Variants in GPR84 observed in about 807,000 individuals in gnomAD.
The protein encoded by GPR84 is G-protein coupled receptor 84.
Under a neutral mutation model 14.9 loss-of-function variants are expected in GPR84, and 8 were observed. The ratio of observed to expected loss-of-function variants is 0.54; its 90% CI spans 0.31 to 0.97. The LOEUF (loss-of-function observed/expected upper bound fraction) is 0.97, where lower values mean the gene tolerates loss of function less well. Ranked by LOEUF, GPR84 falls within the 50% of genes least tolerant of loss-of-function variation. The pLI is 0.04. For synonymous variants in GPR84, 164 were observed against 198.1 expected, an observed-to-expected ratio of 0.83 and a Z score of 1.45; for missense variants, 424 against 498.7, an observed-to-expected ratio of 0.85 and a Z score of 1.43.
chr12:54,359,803 C>A (rs1281013376), downstream of GPR84, among the ~76,000 whole-genome samples: 1 of 152,158 alleles, frequency 6.6e-6, no homozygotes, highest in Non-Finnish European at 1.5e-5. Flanking sequence ...AGTTTCATTC[C>A]CCTCATTCAG....
At chr12:54,360,120 CAGTT>C (rs1954254038), downstream of GPR84, among the ~76,000 whole-genome samples, 1 of 152,062 alleles carries the variant, frequency 6.6e-6, no homozygotes, top group Non-Finnish European at 1.5e-5. Flanking sequence ...ATAGGAAGGA[CAGTT>C]AGGGATCATC....
At chr12:54,353,402 C>A in the GPR84 span, among the ~76,000 whole-genome samples, 1 of 151,924 alleles carries the variant, frequency 6.6e-6, no homozygotes, top group East Asian at 1.9e-4. Context: ...CAGTGCCAGA[C>A]ACCTGCCTGC....
rs1592218705 is a variant in GPR84, at chr12:54,362,519, T to C, written c.*142A>G. On this transcript the variant is annotated 3_prime_UTR_variant, in exon 2 of 2. Coordinates refer to ENST00000267015, the MANE Select transcript of GPR84 (RefSeq NM_020370.3). The surrounding 1 kb of genome is among the most constrained non-coding windows in gnomAD (Gnocchi z 4.0). ...GTCTAGGGCTGAAACATTGATCAAG[T>C]GATGGAGAGACTTGATTTGGGAGGC... 9 of 668,306 alleles carry C rather than the reference T, an allele frequency of 1.3e-5. No individual in the cohort carries two copies. The East Asian group carries it at 2.2e-4, about 17-fold the overall frequency. 41.4% of individuals were successfully genotyped at this position (668,306 alleles called of 1,614,324 possible). A position where few individuals can be genotyped will look rare whatever the true frequency, so the allele number is the denominator to read the frequency against.
At chr12:54,355,589 C>T in the GPR84 span, among the ~76,000 whole-genome samples, 2 of 152,008 alleles carry the variant, frequency 1.3e-5, no homozygotes, top group Admixed American at 6.6e-5. Context: ...ATGAAGAGCC[C>T]CATCCCCTCA....
the GPR84 span, among the ~76,000 whole-genome samples, chr12:54,357,162 C>T: frequency 6.6e-6 from 1 of 152,168 alleles, no homozygotes; most frequent in South Asian, 2.1e-4. Context: ...CTGACATCAG[C>T]TCCTTCCCCT....
chr12:54,363,932 C>T (rs1592219836), intron 1 of GPR84, 73 bp from the exon 2 acceptor site: 5 of 984,238 alleles, frequency 5.1e-6, no homozygotes, highest in Non-Finnish European at 7.4e-6. Context: ...TTGAACAGTT[C>T]TGGGACCCTG....
chr12:54,362,587 C>T lies in GPR84; in HGVS notation c.*74G>A. On this transcript the variant is annotated 3_prime_UTR_variant, in exon 2 of 2. Coordinates refer to ENST00000267015, the MANE Select transcript of GPR84 (RefSeq NM_020370.3). The surrounding 1 kb of genome is among the most constrained non-coding windows in gnomAD (Gnocchi z 4.0). ...GAAAATGCCCACATGTGTTATTTCACCTATTCTCCTATTACCTGGCCACTT... is the reference window on the plus strand; with the variant it reads ...GAAAATGCCCACATGTGTTATTTCATCTATTCTCCTATTACCTGGCCACTT... 1.1e-6 allele frequency: 1 copy of T among 880,174 alleles called. No homozygotes were observed. Among genetic ancestry groups the T allele is most frequent in the Non-Finnish European group, 1.8e-6 (1 of 554,362 alleles). 54.5% of individuals were successfully genotyped at this position (880,174 alleles called of 1,614,324 possible).
At chr12:54,357,436 C>T in the GPR84 span, among the ~76,000 whole-genome samples, 3 of 152,204 alleles carry the variant, frequency 2.0e-5, no homozygotes, top group Non-Finnish European at 4.4e-5. Flanking sequence ...CAAGCCCTTT[C>T]ACTGGGTTGG....
At chr12:54,355,557 T>A in the GPR84 span, among the ~76,000 whole-genome samples, 63 of 152,224 alleles carry the variant, frequency 4.1e-4, no homozygotes, top group African/African-American at 1.5e-3. Flanking sequence ...GCAGGCCTGC[T>A]GGAATGTCCA....
chr12:54,361,435 A>C (rs1009828861), downstream of GPR84, among the ~76,000 whole-genome samples: 3 of 151,974 alleles, frequency 2.0e-5, no homozygotes, highest in African/African-American at 7.3e-5. This position sits in a 1 kb window ranked among gnomAD's most constrained non-coding sequence, Gnocchi z 4.3. Context: ...CAATGGCGTG[A>C]TCTCGGCTCA....
At chr12:54,350,829 T>G in the GPR84 span, 1 of 428,736 alleles carries the variant, frequency 2.3e-6, no homozygotes, top group Non-Finnish European at 4.3e-6. Context: ...TTTTGTAAAT[T>G]CTGTGCCCTT....
chr12:54,352,885 C>T, the GPR84 span, among the ~76,000 whole-genome samples: 1 of 152,208 alleles, frequency 6.6e-6, no homozygotes, highest in Non-Finnish European at 1.5e-5. Context: ...TGGATAAAGA[C>T]TAGGTACTTC....
chr12:54,359,224 A>G (rs904524305), downstream of GPR84, among the ~76,000 whole-genome samples: 8 of 152,314 alleles, frequency 5.3e-5, no homozygotes, highest in Middle Eastern at 3.4e-3. Context: ...AATCAGGGCC[A>G]AGGTGGTTTG....
Position 54,363,342 on chromosome 12 carries a change from A to G in GPR84, c.510T>C (p.Phe170=). 1 of 1,614,210 alleles carries G rather than the reference A, an allele frequency of 6.2e-7. No individual in the cohort carries two copies. The change falls in exon 2 of 2, where the codon TTT becomes TTC. Residue 170 remains phenylalanine (F), a synonymous_variant. Transcript: ENST00000267015. ...ILVPVVCTCS[F]DRIRGRPYTT... Reference sequence around the variant, plus strand: ...TGTAAGGCCGGCCTCGGATGCGGTCAAAGCTGCAGGTGCAGACTACAGGTA... The same window carrying G: ...TGTAAGGCCGGCCTCGGATGCGGTCGAAGCTGCAGGTGCAGACTACAGGTA...
At chr12:54,356,990 C>T in the GPR84 span, among the ~76,000 whole-genome samples, 1 of 152,138 alleles carries the variant, frequency 6.6e-6, no homozygotes, top group Non-Finnish European at 1.5e-5. Context: ...CTTTTTTCCT[C>T]AGTCCCCCTT....
At chr12:54,355,409 A>AT in the GPR84 span, among the ~76,000 whole-genome samples, 9,982 of 151,392 alleles carry the variant, frequency 0.066, 498 homozygotes, top group Non-Finnish European at 0.1. Context: ...TTTCCACAAT[A>AT]TTTTTCCACT....
At chr12:54,359,099 A>T (rs1193074169), downstream of GPR84, among the ~76,000 whole-genome samples, 2 of 149,612 alleles carry the variant, frequency 1.3e-5, no homozygotes, top group East Asian at 2.0e-4. Context: ...GGAGGGAAAG[A>T]GGGGAAAAAA....
the GPR84 span, among the ~76,000 whole-genome samples, chr12:54,353,191 G>A: frequency 3.9e-5 from 6 of 152,204 alleles, no homozygotes; most frequent in African/African-American, 1.4e-4. Context: ...TCAGGGCTAT[G>A]AGTAAACACA....
Position 54,363,309 on chromosome 12 carries a change from G to A in GPR84, c.543C>T (p.Ile181=). The A allele has an allele frequency of 2.5e-6, 4 of 1,614,192 alleles. No homozygotes were observed. The South Asian group carries it at 3.3e-5, about 13-fold the overall frequency. Residue 181 remains isoleucine (I), a synonymous_variant, in exon 2 of 2, where the codon ATC becomes ATT. Coordinates refer to ENST00000267015, the MANE Select transcript of GPR84 (RefSeq NM_020370.3). The part of the protein sequence containing the change: ...DRIRGRPYTT[I]LMGIYFVLGL... ...CAAGCACAAAGTAGATGCCCATGAG[G>A]ATGGTGGTGTAAGGCCGGCCTCGGA... is the stretch of plus-strand genomic sequence containing the variant.
Sources: allele counts gnomAD v4.1 joint callset (sites outside exome capture counted in the v4.1 genomes callset), GRCh38; gene constraint gnomAD v4.1.1; non-coding constraint Gnocchi (gnomAD v3.1); transcripts MANE v1.5; gene names NCBI Gene and HGNC (gene_info 2026-07-23, HGNC 2026-07-21).